RBP5: variants seen among roughly 807,000 people sequenced by gnomAD.
The protein encoded by RBP5 is retinol binding protein 5, also known as retinol-binding protein 5.
A neutral mutation model predicts 17.8 loss-of-function variants in RBP5; 12 were observed. The ratio of observed to expected loss-of-function variants is 0.67; its 90% CI spans 0.43 to 1.09. The LOEUF (loss-of-function observed/expected upper bound fraction) is 1.09, where lower values mean the gene tolerates loss of function less well. Ranked by LOEUF, RBP5 falls within the 50% of genes least tolerant of loss-of-function variation. RBP5 has a pLI of 0.00. For synonymous variants in RBP5, 64 were observed against 68.1 expected, an observed-to-expected ratio of 0.94 and a Z score of 0.30; for missense variants, 172 against 169.4, an observed-to-expected ratio of 1.02 and a Z score of -0.09.
chr12:7,127,546 A>AT, intron 2 of RBP5: 1 of 637,238 alleles, frequency 1.6e-6, no homozygotes, highest in Admixed American at 2.6e-5. Flanking sequence ...TTGTATTGTT[A>AT]TTTTTTATTT....
Position 7,124,611 on chromosome 12 carries a change from A to G in RBP5, c.354+18T>C. 9.0e-7 allele frequency: 1 copy of G among 1,116,306 alleles called. No individual in the cohort carries two copies. The highest frequency in any genetic ancestry group is 1.4e-6 in the Non-Finnish European group (1 of 730,042). The allele number at this position is 1,116,306 out of a possible 1,614,324, so 69.2% of individuals were successfully genotyped here. On this transcript the variant is annotated intron_variant, in intron 3 of 3. Transcript: ENST00000266560. This position sits in a 1 kb window ranked among gnomAD's most constrained non-coding sequence, Gnocchi z 5.3. Reference sequence around the variant, plus strand: ...CTGGAGGCCCTTCTCCCAGACACCCAGCCCCCACCCCATTTACCAGATACA... The same window carrying G: ...CTGGAGGCCCTTCTCCCAGACACCCGGCCCCCACCCCATTTACCAGATACA...
chr12:7,128,425 G>C lies in RBP5; in HGVS notation c.74-7C>G. The C allele has an allele frequency of 1.9e-6, 3 of 1,613,870 alleles. No individual in the cohort carries two copies. Among genetic ancestry groups the C allele is most frequent in the Non-Finnish European group, 2.5e-6 (3 of 1,179,828 alleles). The stretch of plus-strand genomic sequence containing the variant: ...CGCACAGCCAAGCTGATGTCTGTGG[G>C]GGCTGCCTGTTAGTAGGGGTGCTGC... On this transcript the variant is annotated splice_region_variant and splice_polypyrimidine_tract_variant and intron_variant, in intron 1 of 3. Transcript: ENST00000266560. The surrounding 1 kb of genome is among the most constrained non-coding windows in gnomAD (Gnocchi z 5.3).
intron 2 of RBP5, chr12:7,127,468 A>G: frequency 1.8e-6 from 1 of 557,048 alleles, no homozygotes. Context: ...GATTACTTAT[A>G]ATACCTAATG....
intron 2 of RBP5, among the ~76,000 whole-genome samples, chr12:7,126,510 G>GGTGGTGGTGGTGT (rs751535528): frequency 7.6e-6 from 1 of 131,022 alleles, no homozygotes; most frequent in East Asian, 2.1e-4. Context: ...TGGTGGTGGT[G>GGTGGTGGTGGTGT]GTGTGTGTGT....
At chr12:7,122,721 C>G (rs1226022274), downstream of RBP5, among the ~76,000 whole-genome samples, 2 of 152,180 alleles carry the variant, frequency 1.3e-5, no homozygotes, top group Non-Finnish European at 2.9e-5. Flanking sequence ...CCTCCTGTGC[C>G]TTGGAATGGG....
In RBP5 at chr12:7,128,460, A is replaced by T; in HGVS notation, c.74-42T>A. ...TTAGTAGGGGTGCTGCTAGCCAGCCAGGAGCTCCTCTGCCTGCAGCAGCCC... is the reference window on the plus strand; with the variant it reads ...TTAGTAGGGGTGCTGCTAGCCAGCCTGGAGCTCCTCTGCCTGCAGCAGCCC... On this transcript the variant is annotated intron_variant, in intron 1 of 3. Transcript: ENST00000266560. The surrounding 1 kb of genome is among the most constrained non-coding windows in gnomAD (Gnocchi z 5.3). 6.2e-7 allele frequency: 1 copy of T among 1,601,094 alleles called. No homozygotes were observed. Among genetic ancestry groups the T allele is most frequent in the Non-Finnish European group, 8.5e-7 (1 of 1,170,188 alleles).
chr12:7,119,910 A>C (rs1211326570), downstream of RBP5, among the ~76,000 whole-genome samples: 2 of 152,260 alleles, frequency 1.3e-5, no homozygotes, highest in Non-Finnish European at 2.9e-5. Context: ...CCTGGCCACT[A>C]TGCAGCACTG....
downstream of RBP5, chr12:7,122,633 A>G (rs1347941827): frequency 6.6e-6 from 1 of 152,270 alleles, no homozygotes; most frequent in African/African-American, 2.4e-5. Context: ...AGAGGCTTGG[A>G]CATGCACTGT....
At position 7,128,229 on chromosome 12, in the gene RBP5, G is replaced by A. The variant is rs757855859; in HGVS notation, c.252+11C>T. ...CTCCTTCCGGCCACCGCCCAGCCAG[G>A]GGAAATGTACCTGGCATTTTCGTCC... On this transcript the variant is annotated intron_variant, in intron 2 of 3. Transcript: ENST00000266560. The surrounding 1 kb of genome is among the most constrained non-coding windows in gnomAD (Gnocchi z 5.3). The A allele has an allele frequency of 1.2e-6, 2 of 1,602,296 alleles. No homozygotes were observed. The highest frequency in any genetic ancestry group is 3.4e-5 in the Admixed American group (2 of 59,238).
chr12:7,122,011 G>A (rs1245442333), downstream of RBP5, among the ~76,000 whole-genome samples: 1 of 152,052 alleles, frequency 6.6e-6, no homozygotes, highest in Admixed American at 6.5e-5. Flanking sequence ...TCTTCCCTCT[G>A]AGGACAGATG....
chr12:7,129,608 G>C, upstream of RBP5: 12 of 985,540 alleles, frequency 1.2e-5, no homozygotes, highest in Non-Finnish European at 1.4e-5. The surrounding 1 kb of genome is among the most constrained non-coding windows in gnomAD (Gnocchi z 5.5). Context: ...CCAGTCCCCA[G>C]CCCTAGGACA....
chr12:7,128,746 GC>G lies in RBP5; in HGVS notation c.29del (p.Arg10ProfsTer15). MPPNLTGYY[R>X]FVSQKNMEDY... ...CCTCCATGTTCTTCTGCGAGACAAA[GC>G]GGTAGTAGCCAGTGAGGTTGGGAGG... On this transcript the variant is annotated frameshift_variant, in exon 1 of 4. Transcript: ENST00000266560. LOFTEE classifies it high-confidence loss of function. The surrounding 1 kb of genome is among the most constrained non-coding windows in gnomAD (Gnocchi z 5.3). The G allele has an allele frequency of 6.2e-7, 1 of 1,605,354 alleles. No individual in the cohort carries two copies. Among genetic ancestry groups the G allele is most frequent in the Non-Finnish European group, 8.5e-7 (1 of 1,176,024 alleles).
downstream of RBP5, chr12:7,121,093 C>T (rs993705211): frequency 2.0e-5 from 3 of 151,110 alleles, no homozygotes; most frequent in Admixed American, 6.6e-5. Context: ...GCAGCAGGCT[C>T]TAGGGGAGGA....
chr12:7,123,979 G>T lies in RBP5; in HGVS notation c.*142C>A, dbSNP rs116969745. The T allele has an allele frequency of 5.4e-4, 404 of 742,278 alleles. 4 individuals carry two copies. In the East Asian group the frequency reaches 9.8e-3, roughly 18 times the overall value. 46.0% of individuals were successfully genotyped at this position (742,278 alleles called of 1,614,324 possible). A position where few individuals can be genotyped will look rare whatever the true frequency, so the allele number is the denominator to read the frequency against. On this transcript the variant is annotated 3_prime_UTR_variant, in exon 4 of 4. Coordinates refer to ENST00000266560, the MANE Select transcript of RBP5 (RefSeq NM_031491.4). ...GGGCTGCAAGTTACAGATTAACACG[G>T]GGAGGGGTGAGGAGGGACCCAGAGG...
At chr12:7,122,884 A>C (rs1939099501), downstream of RBP5, among the ~76,000 whole-genome samples, 1 of 151,692 alleles carries the variant, frequency 6.6e-6, no homozygotes, top group South Asian at 2.1e-4. Flanking sequence ...TTCCAAATTC[A>C]TTCCAGAGCA....
chr12:7,120,824 G>C (rs750288078), downstream of RBP5: 1 of 152,218 alleles, frequency 6.6e-6, no homozygotes, highest in Non-Finnish European at 1.5e-5. Context: ...TCAGGAGTTC[G>C]AGATCAGCCT....
downstream of RBP5, among the ~76,000 whole-genome samples, chr12:7,123,347 T>C (rs1196475756): frequency 6.6e-6 from 1 of 152,208 alleles, no homozygotes; most frequent in Non-Finnish European, 1.5e-5. Flanking sequence ...CACACCCCTG[T>C]ATTACTGTCT....
At position 7,128,475 on chromosome 12, in the gene RBP5, T is replaced by G; in HGVS notation, c.74-57A>C. The G allele has an allele frequency of 6.4e-7, 1 of 1,560,348 alleles. No homozygotes were observed. Among genetic ancestry groups the G allele is most frequent in the Non-Finnish European group, 8.8e-7 (1 of 1,135,098 alleles). ...CTAGCCAGCCAGGAGCTCCTCTGCCTGCAGCAGCCCCTCAGGGCTGTGAGT... is the reference window on the plus strand; with the variant it reads ...CTAGCCAGCCAGGAGCTCCTCTGCCGGCAGCAGCCCCTCAGGGCTGTGAGT... On this transcript the variant is annotated intron_variant, in intron 1 of 3. Transcript: ENST00000266560. This position sits in a 1 kb window ranked among gnomAD's most constrained non-coding sequence, Gnocchi z 5.3.
chr12:7,116,670 C>T (rs1939009118), exon 4 of RBP5: 2 of 152,214 alleles, frequency 1.3e-5, no homozygotes, highest in African/African-American at 4.8e-5. Context: ...GAACTTCACT[C>T]TCTAGACTCG....
Sources: gnomAD v4.1 joint callset for allele counts (sites outside exome capture counted in the v4.1 genomes callset) on GRCh38, gnomAD v4.1.1 for gene constraint, Gnocchi (gnomAD v3.1) non-coding constraint, MANE v1.5 for transcripts, NCBI Gene and HGNC (gene_info 2026-07-23, HGNC 2026-07-21) for gene names.